The following RANBP2 variants were observed in gnomAD, a reference collection of about 807,000 sequenced individuals.
RANBP2 encodes the protein RAN binding protein 2.
RANBP2 carries 57 observed loss-of-function variants against 303.6 expected under a neutral mutation model. The observed-to-expected ratio is 0.19, with a 90% CI of 0.15 to 0.23. The LOEUF is 0.23. RANBP2 is among the 10% of genes least tolerant of loss of function. The pLI is 1.00. For missense variants in RANBP2, 3,138 were observed against 3,780.8 expected (o/e 0.83, Z 4.46); for synonymous variants, 1,167 against 1,301.5 (o/e 0.90, Z 2.23).
the RANBP2 span, among the ~76,000 whole-genome samples, chr2:109,173,753 G>C: frequency 6.6e-6 from 1 of 152,176 alleles, no homozygotes; most frequent in Non-Finnish European, 1.5e-5. Context: ...AGGGACTGTG[G>C]TAGCCTGCCT....
the RANBP2 span, among the ~76,000 whole-genome samples, chr2:109,507,379 T>C: frequency 6.6e-6 from 1 of 151,932 alleles, no homozygotes; most frequent in East Asian, 1.9e-4. Context: ...TTCCAGGGGG[T>C]TCCCTTCACT....
chr2:108,997,287 A>C, the RANBP2 span, among the ~76,000 whole-genome samples: 2 of 151,874 alleles, frequency 1.3e-5, no homozygotes, highest in African/African-American at 4.8e-5. Flanking sequence ...TAAAAATACA[A>C]AAAATTAGCC....
rs755609805 is a variant in RANBP2 at position 108,768,231 on chromosome 2, C to G, written c.7692C>G (p.Ala2564=). ...ACAATAGTGAAACTAGTTCAGTAGC[C>G]CAGAGTGGATCTGAAAGCAAAGTGG... ...KSNNSETSSV[A]QSGSESKVEP... The change falls in exon 20 of 29, where the codon GCC becomes GCG. Residue 2564 remains alanine, a synonymous_variant. Transcript: ENST00000283195. 20 of 1,611,742 alleles carry G rather than the reference C, an allele frequency of 1.2e-5. No homozygotes were observed. Among genetic ancestry groups the G allele is most frequent in the Non-Finnish European group, 1.7e-5 (20 of 1,179,842 alleles).
chr2:109,244,660 A>G, the RANBP2 span, among the ~76,000 whole-genome samples: 1 of 152,198 alleles, frequency 6.6e-6, no homozygotes, highest in Non-Finnish European at 1.5e-5. Flanking sequence ...CTGTTAGGCA[A>G]ACACAGGGAG....
chr2:109,515,462 A>G, the RANBP2 span, among the ~76,000 whole-genome samples: 3 of 152,006 alleles, frequency 2.0e-5, no homozygotes, highest in Admixed American at 6.6e-5. Flanking sequence ...GCCCTGGTGG[A>G]GTGGAGGACA....
At chr2:109,288,429 T>C in the RANBP2 span, among the ~76,000 whole-genome samples, 8 of 152,310 alleles carry the variant, frequency 5.3e-5, no homozygotes, top group Non-Finnish European at 7.3e-5. Flanking sequence ...ATATGCCAGC[T>C]TTAAAACCCG....
chr2:108,967,419 G>A, the RANBP2 span, among the ~76,000 whole-genome samples: 1 of 152,210 alleles, frequency 6.6e-6, no homozygotes, highest in African/African-American at 2.4e-5. Context: ...TGTGGGCTAA[G>A]AGCAGGAGCA....
chr2:108,940,705 G>A, the RANBP2 span, among the ~76,000 whole-genome samples: 2 of 152,244 alleles, frequency 1.3e-5, no homozygotes, highest in South Asian at 2.1e-4. Context: ...GTCACACCAC[G>A]CGATGACGTG....
chr2:109,696,056 C>T, the RANBP2 span, among the ~76,000 whole-genome samples: 14 of 152,116 alleles, frequency 9.2e-5, no homozygotes, highest in South Asian at 6.2e-4. Flanking sequence ...CTCCACCTCC[C>T]GGGTTCAAGT....
chr2:108,919,202 G>C, the RANBP2 span, among the ~76,000 whole-genome samples: 1 of 152,138 alleles, frequency 6.6e-6, no homozygotes, highest in South Asian at 2.1e-4. Flanking sequence ...AGAGCATCCG[G>C]GCACAAGAGA....
At chr2:109,003,003 C>T in the RANBP2 span, among the ~76,000 whole-genome samples, 12 of 151,826 alleles carry the variant, frequency 7.9e-5, no homozygotes, top group Non-Finnish European at 1.5e-4. Context: ...GTCAGGAGTT[C>T]GAGACCATCC....
chr2:108,936,732 C>T, the RANBP2 span, among the ~76,000 whole-genome samples: 1 of 152,202 alleles, frequency 6.6e-6, no homozygotes, highest in Non-Finnish European at 1.5e-5. Context: ...TCTGAATCTT[C>T]CCTGTCTCAG....
At chr2:109,445,920 G>A in the RANBP2 span, among the ~76,000 whole-genome samples, 2 of 152,156 alleles carry the variant, frequency 1.3e-5, no homozygotes, top group African/African-American at 4.8e-5. Context: ...AATGAACTGA[G>A]TGAGGGCTCA....
the RANBP2 span, among the ~76,000 whole-genome samples, chr2:109,629,820 AG>A: frequency 6.6e-6 from 1 of 152,230 alleles, no homozygotes; most frequent in South Asian, 2.1e-4. Flanking sequence ...CAAAAAAAAA[AG>A]AAAACGTGTA....
chr2:109,294,892 G>A, the RANBP2 span, among the ~76,000 whole-genome samples: 1 of 152,238 alleles, frequency 6.6e-6, no homozygotes, highest in South Asian at 2.1e-4. Flanking sequence ...AAGACTTAGT[G>A]AGGAGAGAAG....
At chr2:108,929,142 C>T in the RANBP2 span, 1 of 1,605,292 alleles carries the variant, frequency 6.2e-7, no homozygotes, top group African/African-American at 1.3e-5. Context: ...GCCCGTAGCC[C>T]CTCGGGGTTT....
Position 108,767,730 on chromosome 2 carries a change from G to C in RANBP2, c.7191G>C (p.Gly2397=). ...TPDMTLQNMK[G]TERVWLWTAC... is the part of the protein sequence containing the mutation. ...ACATGACTTTGCAAAATATGAAAGG[G>C]ACAGAAAGAGTATGGTTGTGGACTG... The change falls in exon 20 of 29, where the codon GGG becomes GGC. Residue 2397 remains glycine, a synonymous_variant. Transcript: ENST00000283195. 2 of 1,612,026 alleles carry C rather than the reference G, an allele frequency of 1.2e-6. No homozygotes were observed. Among genetic ancestry groups the C allele is most frequent in the South Asian group, 2.2e-5 (2 of 90,990 alleles).
the RANBP2 span, among the ~76,000 whole-genome samples, chr2:108,836,511 C>T: frequency 8.5e-5 from 13 of 152,142 alleles, no homozygotes; most frequent in Non-Finnish European, 1.6e-4. Context: ...TCCCTTTGGA[C>T]ATATACCCAG....
At chr2:109,111,088 C>A in the RANBP2 span, among the ~76,000 whole-genome samples, 2 of 152,144 alleles carry the variant, frequency 1.3e-5, no homozygotes, top group Admixed American at 1.3e-4. Context: ...GATGATCATC[C>A]AGTTACCTCT....
Sources: allele counts gnomAD v4.1 joint callset (sites outside exome capture counted in the v4.1 genomes callset), GRCh38; gene constraint gnomAD v4.1.1; transcripts MANE v1.5; gene names NCBI Gene and HGNC (gene_info 2026-07-23, HGNC 2026-07-21).